The following NRXN1 variants were observed in gnomAD, a reference collection of about 807,000 sequenced individuals.
The protein encoded by NRXN1 is neurexin 1, also known as neurexin-1.
In NRXN1, 39 loss-of-function variants were observed where a neutral mutation model predicts 150.9. The observed-to-expected ratio is 0.26, with a 90% CI of 0.20 to 0.34. NRXN1 has a LOEUF of 0.34. Ranked by LOEUF, NRXN1 falls within the 10% of genes least tolerant of loss-of-function variation. The pLI, the probability that NRXN1 is intolerant of heterozygous loss-of-function variation, is 1.00. For synonymous variants in NRXN1, 924 were observed against 757.0 expected, an observed-to-expected ratio of 1.22 and a Z score of -3.62; for missense variants, 1,815 against 1,949.9, an observed-to-expected ratio of 0.93 and a Z score of 1.30.
At chr2:50,280,340 A>AT (rs1227699377) in intron 17 of NRXN1, among the ~76,000 whole-genome samples, 1 of 151,918 alleles carries the variant, frequency 6.6e-6, no homozygotes, top group Admixed American at 6.6e-5. Flanking sequence ...TGCATTATTA[A>AT]TTTATGAAAT....
At chr2:50,115,579 T>C (rs1702944950) in intron 18 of NRXN1, among the ~76,000 whole-genome samples, 1 of 151,980 alleles carries the variant, frequency 6.6e-6, no homozygotes, top group Non-Finnish European at 1.5e-5. Flanking sequence ...ATAAGTGAGA[T>C]ACGAACCCAG....
chr2:50,533,864 G>A (rs1489634713), intron 10 of NRXN1, among the ~76,000 whole-genome samples: 1 of 152,080 alleles, frequency 6.6e-6, no homozygotes, highest in African/African-American at 2.4e-5. Flanking sequence ...CTGCTCAAAT[G>A]TTACTCCAGA....
At chr2:50,227,953 C>T (rs984143475) in intron 18 of NRXN1, among the ~76,000 whole-genome samples, 2 of 151,982 alleles carry the variant, frequency 1.3e-5, no homozygotes, top group African/African-American at 2.4e-5. Flanking sequence ...TTTAGAATAA[C>T]TTGAGTATGT....
chr2:50,693,560 C>T (rs9752126), intron 5 of NRXN1, among the ~76,000 whole-genome samples: 34,618 of 151,916 alleles, frequency 0.23, 4,347 homozygotes, highest in East Asian at 0.36. Flanking sequence ...AAAAATGGCA[C>T]AACTGCACTA....
chr2:50,475,550 C>T (rs1019693362), intron 15 of NRXN1, among the ~76,000 whole-genome samples: 1 of 152,026 alleles, frequency 6.6e-6, no homozygotes, highest in Non-Finnish European at 1.5e-5. Context: ...TTGAAGAGAA[C>T]TAGTAATCTT....
intron 2 of NRXN1, among the ~76,000 whole-genome samples, chr2:50,956,298 G>T (rs1279819660): frequency 6.6e-6 from 1 of 152,100 alleles, no homozygotes; most frequent in African/African-American, 2.4e-5. Flanking sequence ...TATGGATAGG[G>T]AATAACATAG....
At chr2:50,611,515 T>C (rs1396120959) in intron 8 of NRXN1, among the ~76,000 whole-genome samples, 1 of 152,192 alleles carries the variant, frequency 6.6e-6, no homozygotes, top group Non-Finnish European at 1.5e-5. Context: ...ACTCCCTGAA[T>C]CCACTTTCAA....
At chr2:49,968,250 ACAGTTATG>A (rs1206990019) in intron 21 of NRXN1, among the ~76,000 whole-genome samples, 1 of 152,098 alleles carries the variant, frequency 6.6e-6, no homozygotes, top group Non-Finnish European at 1.5e-5. Flanking sequence ...AGGGTCTGAG[ACAGTTATG>A]CAGTTATGCC....
intron 8 of NRXN1, chr2:50,589,180 G>C (rs183895783): frequency 6.6e-6 from 1 of 152,610 alleles, no homozygotes; most frequent in African/African-American, 2.4e-5. Flanking sequence ...CAGCGGCCAG[G>C]ACTGGAAGGG....
chr2:49,943,795 C>T lies in NRXN1; in HGVS notation c.4129-4G>A. 6.2e-7 allele frequency: 1 copy of T among 1,602,428 alleles called. No homozygotes were observed. Among genetic ancestry groups the T allele is most frequent in the Non-Finnish European group, 8.5e-7 (1 of 1,171,246 alleles). ...CCACAAGGATGTCATCTGTGGTCTG[C>T]AAAAGAATCACATTCAGTAGATTAA... On this transcript the variant is annotated splice_polypyrimidine_tract_variant and splice_region_variant and intron_variant, in intron 21 of 22. Coordinates refer to ENST00000401669, the MANE Select transcript of NRXN1 (RefSeq NM_001330078.2).
At chr2:50,532,317 T>C (rs927755979) in intron 10 of NRXN1, among the ~76,000 whole-genome samples, 15 of 152,010 alleles carry the variant, frequency 9.9e-5, no homozygotes, top group Admixed American at 9.2e-4. Context: ...TCATCATTTT[T>C]TTTTCATAAT....
intron 18 of NRXN1, among the ~76,000 whole-genome samples, chr2:50,128,941 C>CCA (rs1225946799): frequency 2.6e-5 from 4 of 151,782 alleles, no homozygotes; most frequent in African/African-American, 9.7e-5. Context: ...CGAGATCACA[C>CCA]CACTGCACTC....
At chr2:50,077,303 C>G (rs1697264428) in intron 19 of NRXN1, among the ~76,000 whole-genome samples, 1 of 152,090 alleles carries the variant, frequency 6.6e-6, no homozygotes, top group East Asian at 1.9e-4. Context: ...CCTCTTCACC[C>G]CAATGCTGGC....
chr2:50,956,517 G>A (rs1350114611), intron 2 of NRXN1, among the ~76,000 whole-genome samples: 1 of 152,040 alleles, frequency 6.6e-6, no homozygotes, highest in Non-Finnish European at 1.5e-5. Flanking sequence ...GGAGGCCAAG[G>A]TGGGCAAACT....
intron 5 of NRXN1, among the ~76,000 whole-genome samples, chr2:50,864,752 T>C (rs77111441): frequency 0.07 from 10,597 of 152,096 alleles, 472 homozygotes; most frequent in Middle Eastern, 0.13. Flanking sequence ...GAGGAGAAAT[T>C]TGCAGTATCT....
chr2:50,226,309 A>G (rs2064371277), intron 18 of NRXN1, among the ~76,000 whole-genome samples: 1 of 152,014 alleles, frequency 6.6e-6, no homozygotes, highest in Non-Finnish European at 1.5e-5. Context: ...AAAACTTTTA[A>G]GTGTGCTTTT....
At position 50,926,292 on chromosome 2, in the gene NRXN1, T is replaced by A. The variant is rs59833064; in HGVS notation, c.773-337A>T. On this transcript the variant is annotated intron_variant, in intron 2 of 22. Transcript: ENST00000401669. ...TCTAGGCAATTATTTTTAAAAGCTT[T>A]TTTGTTTTCTTTTTAACAATTCTAA... Among the ~76,000 whole-genome samples the A allele has an allele frequency of 6.1e-3, 922 of 152,074 alleles. 6 individuals are homozygous for A. Among genetic ancestry groups the A allele is most frequent in the African/African-American group, 0.019 (799 of 41,520 alleles).
chr2:50,201,983 T>A (rs1015788080), intron 18 of NRXN1, among the ~76,000 whole-genome samples: 1 of 152,242 alleles, frequency 6.6e-6, no homozygotes, highest in African/African-American at 2.4e-5. Context: ...AGTCTACTTT[T>A]ATTCAATACA....
At chr2:50,318,624 G>T (rs930231501) in intron 17 of NRXN1, among the ~76,000 whole-genome samples, 16 of 152,054 alleles carry the variant, frequency 1.1e-4, no homozygotes, top group African/African-American at 3.9e-4. Flanking sequence ...TAAATTAAAT[G>T]CTATAATAAA....
Sources: allele counts gnomAD v4.1 joint callset (sites outside exome capture counted in the v4.1 genomes callset), GRCh38; gene constraint gnomAD v4.1.1; transcripts MANE v1.5; gene names NCBI Gene and HGNC (gene_info 2026-07-23, HGNC 2026-07-21).